The following AR variants were observed in gnomAD, a reference collection of about 807,000 sequenced individuals.
The protein encoded by AR is dihydrotestosterone receptor.
Under a neutral mutation model 53.9 loss-of-function variants are expected in AR, and 8 were observed. The observed-to-expected ratio is 0.15, with a 90% confidence interval of 0.09 to 0.27. AR has a LOEUF of 0.27. Ranked by LOEUF, AR falls within the 10% of genes least tolerant of loss-of-function variation. AR has a pLI of 1.00. For missense variants in AR, 639 were observed against 742.5 expected (o/e 0.86, Z 1.62); for synonymous variants, 359 against 316.4 (o/e 1.13, Z -1.43).
chrX:67,562,948 A>C (rs1400721415), intron 1 of AR, among the ~76,000 whole-genome samples: 1 of 112,074 alleles, frequency 8.9e-6, no homozygotes, highest in Non-Finnish European at 1.9e-5. Context: ...CCCTTCTTCT[A>C]ATTCACCACA....
At chrX:67,720,616 T>C (rs1055907900) in intron 5 of AR, among the ~76,000 whole-genome samples, 1 of 111,463 alleles carries the variant, frequency 9.0e-6, no homozygotes, top group Non-Finnish European at 1.9e-5. Flanking sequence ...CTAGTTGGGC[T>C]TCAGCCTGAG....
rs1360573546 is a variant in AR at position 67,722,951 on chromosome X, C to G, written c.2574C>G (p.Tyr858Ter). The G allele has an allele frequency of 8.3e-7, 1 of 1,211,715 alleles. No individual in the cohort carries two copies. Among genetic ancestry groups the G allele is most frequent in the Admixed American group, 2.2e-5 (1 of 46,025 alleles). The stretch of plus-strand genomic sequence containing the variant: ...CCACATCCTGCTCAAGACGCTTCTA[C>G]CAGCTCACCAAGCTCCTGGACTCCG... The part of the protein sequence containing the change: ...KNPTSCSRRF[Y>*]QLTKLLDSVQ... The change falls in exon 7 of 8, where the codon TAC (tyrosine) becomes TAG (stop). Residue 858 changes from tyrosine (Y) to a stop codon, truncating the protein, a stop_gained. Coordinates refer to ENST00000374690, the MANE Select transcript of AR (RefSeq NM_000044.6). LOFTEE classifies it high-confidence loss of function.
chrX:67,661,057 T>G (rs1219941125), intron 2 of AR, among the ~76,000 whole-genome samples: 2 of 112,078 alleles, frequency 1.8e-5, no homozygotes, highest in Admixed American at 1.9e-4. Flanking sequence ...TTTTGCACAT[T>G]GATTTTGTAT....
chrX:67,718,746 G>T (rs1314338998), intron 5 of AR, among the ~76,000 whole-genome samples: 1 of 111,274 alleles, frequency 9.0e-6, no homozygotes, highest in Non-Finnish European at 1.9e-5. Flanking sequence ...CAATTCTCCT[G>T]CCTCAGCTTC....
intron 2 of AR, among the ~76,000 whole-genome samples, chrX:67,659,697 T>C (rs185569291): frequency 8.9e-6 from 1 of 111,977 alleles, no homozygotes; most frequent in East Asian, 2.8e-4. Context: ...TGTGTCTTTA[T>C]AGCAGCATGA....
At chrX:67,700,241 C>T (rs2076036957) in intron 3 of AR, among the ~76,000 whole-genome samples, 1 of 111,945 alleles carries the variant, frequency 8.9e-6, no homozygotes, top group Admixed American at 9.5e-5. Flanking sequence ...TGCTTTATCA[C>T]TCCATTTAAG....
At chrX:67,634,801 C>A (rs1398649883) in intron 1 of AR, among the ~76,000 whole-genome samples, 1 of 111,335 alleles carries the variant, frequency 9.0e-6, no homozygotes, top group Non-Finnish European at 1.9e-5. Flanking sequence ...ATTGTGAACT[C>A]TGATTTTATC....
chrX:67,679,774 T>G (rs2075922237), intron 2 of AR, among the ~76,000 whole-genome samples: 2 of 112,115 alleles, frequency 1.8e-5, no homozygotes, highest in Non-Finnish European at 3.8e-5. Context: ...TTTTCTATTG[T>G]GCTGTTTATT....
At chrX:67,682,499 C>T (rs1335581547) in intron 2 of AR, among the ~76,000 whole-genome samples, 1 of 109,909 alleles carries the variant, frequency 9.1e-6, no homozygotes, top group Non-Finnish European at 1.9e-5. Context: ...CTATGCTGCC[C>T]AGGCTGGTCT....
At chrX:67,692,737 T>G (rs1170286984) in intron 3 of AR, among the ~76,000 whole-genome samples, 2 of 112,099 alleles carry the variant, frequency 1.8e-5, no homozygotes, top group Non-Finnish European at 3.8e-5. Context: ...ACCGTACCCT[T>G]CAGCCCTTCT....
rs780438532 is a variant in AR, at chrX:67,680,523, C to T, written c.1769-5487C>T. On this transcript the variant is annotated intron_variant, in intron 2 of 7. Coordinates refer to ENST00000374690, the MANE Select transcript of AR (RefSeq NM_000044.6). ...TTTAATTCAGTTCTTTCCTTAAATA[C>T]CACCATGAAGTTTTTTGTTTTGTTC... Among the ~76,000 whole-genome samples, 6 of 111,900 alleles carry T rather than the reference C, an allele frequency of 5.4e-5. No individual in the cohort carries two copies. The South Asian group carries it at 2.2e-3, about 42-fold the overall frequency.
intron 1 of AR, among the ~76,000 whole-genome samples, chrX:67,595,418 A>G (rs1194222274): frequency 9.0e-6 from 1 of 110,819 alleles, no homozygotes; most frequent in East Asian, 2.8e-4. Context: ...AACTACTGCA[A>G]TGGTGTAAAT....
intron 4 of AR, among the ~76,000 whole-genome samples, chrX:67,717,013 T>A (rs1309567992): frequency 7.2e-5 from 8 of 111,801 alleles, no homozygotes; most frequent in Non-Finnish European, 1.5e-4. Flanking sequence ...GAGATAATAA[T>A]AGTACTTACC....
At chrX:67,715,058 T>C (rs893136788) in intron 4 of AR, among the ~76,000 whole-genome samples, 1 of 111,461 alleles carries the variant, frequency 9.0e-6, no homozygotes, top group Non-Finnish European at 1.9e-5. Flanking sequence ...GTATGGACAA[T>C]TTGCTTGATA....
Position 67,578,640 on chromosome X carries a change from AT to A in AR, c.1616+31880del, listed in dbSNP as rs748019879. Among the ~76,000 whole-genome samples, 46 of 111,474 alleles carry A rather than the reference AT, an allele frequency of 4.1e-4. No individual in the cohort carries two copies. The Admixed American group carries it at 4.4e-3, about 11-fold the overall frequency. The stretch of plus-strand genomic sequence containing the variant: ...TATATGTAAAAACCCACCTTCTCAA[AT>A]TATTGTGAGGACAAAATGAAGTAAT... On this transcript the variant is annotated intron_variant, in intron 1 of 7. Transcript: ENST00000374690.
chrX:67,596,287 C>T (rs1256492883), intron 1 of AR, among the ~76,000 whole-genome samples: 1 of 109,037 alleles, frequency 9.2e-6, no homozygotes, highest in Non-Finnish European at 1.9e-5. Context: ...TTCTTTATAG[C>T]AAGGCAAGAA....
At chrX:67,680,948 T>A (rs2075929848) in intron 2 of AR, 1 of 239,123 alleles carries the variant, frequency 4.2e-6, no homozygotes, top group Non-Finnish European at 7.9e-6. Flanking sequence ...GTCAAGAATT[T>A]CAGAGCCAGC....
At chrX:67,562,574 C>G (rs1468499285) in intron 1 of AR, among the ~76,000 whole-genome samples, 1 of 111,618 alleles carries the variant, frequency 9.0e-6, no homozygotes, top group African/African-American at 3.3e-5. Context: ...GCCCAGGCAG[C>G]ACTGATCCGC....
intron 1 of AR, among the ~76,000 whole-genome samples, chrX:67,615,552 A>T (rs1339584576): frequency 1.8e-5 from 2 of 111,893 alleles, no homozygotes; most frequent in East Asian, 5.6e-4. Flanking sequence ...ATTAGCTGAC[A>T]TGCCTTGCAA....
Sources: allele counts gnomAD v4.1 joint callset (sites outside exome capture counted in the v4.1 genomes callset), GRCh38; gene constraint gnomAD v4.1.1; transcripts MANE v1.5; gene names NCBI Gene and HGNC (gene_info 2026-07-23, HGNC 2026-07-21).